ZAN: variants seen among roughly 807,000 people sequenced by gnomAD.
ZAN encodes the protein zonadhesin (gene/pseudogene).
A neutral mutation model predicts 286.2 loss-of-function variants in ZAN; 260 were observed. That is an observed-to-expected ratio of 0.91 (90% CI 0.82 to 1.01). ZAN has a LOEUF of 1.01. Ranked by LOEUF, ZAN falls within the 50% of genes least tolerant of loss-of-function variation. ZAN has a pLI of 0.00. For missense variants in ZAN, 3,410 were observed against 3,639.2 expected, an observed-to-expected ratio of 0.94 and a Z score of 1.62; for synonymous variants, 1,368 against 1,417.5, an observed-to-expected ratio of 0.97 and a Z score of 0.79.
chr7:100,783,819 T>TATACATAC (rs1811381502), intron 35 of ZAN, among the ~76,000 whole-genome samples: 1 of 28,616 alleles, frequency 3.5e-5, no homozygotes, highest in African/African-American at 7.5e-5. Flanking sequence ...TATATATACA[T>TATACATAC]ATATATATAT....
intron 11 of ZAN, among the ~76,000 whole-genome samples, chr7:100,749,594 C>G (rs569573838): frequency 6.9e-6 from 1 of 145,950 alleles, no homozygotes; most frequent in African/African-American, 2.6e-5. Flanking sequence ...GAGCCGAGAT[C>G]ACGCCATTGT....
In ZAN at chr7:100,753,142, G is replaced by A. The variant is rs751729528; in HGVS notation, c.3037G>A (p.Ala1013Thr). 84 of 1,613,838 alleles carry A rather than the reference G, an allele frequency of 5.2e-5. No individual in the cohort carries two copies. Among genetic ancestry groups the A allele is most frequent in the Non-Finnish European group, 3.8e-5 (45 of 1,179,862 alleles). ...PHPSPTATGLAALVMSPHAPS... is the reference protein window; with the variant it reads ...PHPSPTATGLTALVMSPHAPS... ...TCCCAGCCCCACAGCCACTGGGCTG[G>A]CAGCCTTGGTGATGTCTCCACATGC... Residue 1013 changes from alanine (A) to threonine (T), a missense_variant, in exon 14 of 48, where the codon GCA (alanine) becomes ACA (threonine). Ala to Thr is a moderately conservative substitution (Grantham distance 58). Around this residue, in one of 7 missense-constraint regions of ZAN, gnomAD observed 1,042 missense variants for 1,058.0 expected, o/e 0.98. Coordinates refer to ENST00000613979, the MANE Select transcript of ZAN (RefSeq NM_003386.3).
chr7:100,792,189 C>T (rs1463812879), intron 41 of ZAN, 41 bp downstream of exon 41: 1 of 1,551,356 alleles, frequency 6.4e-7, no homozygotes, highest in South Asian at 1.2e-5. Flanking sequence ...GGCCCAGGTG[C>T]CTGCTCTGGT....
At chr7:100,762,417 C>CTTT in intron 20 of ZAN, 59 bp downstream of exon 20, 2 of 1,063,512 alleles carry the variant, frequency 1.9e-6, no homozygotes, top group Non-Finnish European at 2.5e-6. Flanking sequence ...TCCTGGAACT[C>CTTT]TCTTTTTTTT....
chr7:100,735,901 G>A lies in ZAN; in HGVS notation c.106+129G>A, dbSNP rs1185781987. 6.7e-6 allele frequency: 5 copies of A among 749,112 alleles called. 1 individual carries two copies. The African/African-American group carries it at 9.3e-5, about 14-fold the overall frequency. The allele number at this position is 749,112 out of a possible 1,614,324, so 46.4% of individuals were successfully genotyped here. On this transcript the variant is annotated intron_variant, in intron 3 of 47. Coordinates refer to ENST00000613979, the MANE Select transcript of ZAN (RefSeq NM_003386.3). ...CCAGTCCCCTCCGGGCATCAGCCAG[G>A]ACTACAAAATGTGTCCTGCCAGGCC...
In ZAN at chr7:100,747,009, G is replaced by A. The variant is rs962769636; in HGVS notation, c.931+307G>A. 4.6e-5 allele frequency among the ~76,000 whole-genome samples: 7 copies of A among 152,126 alleles called. 1 individual carries two copies. In the South Asian group the frequency reaches 8.3e-4, roughly 18 times the overall value. On this transcript the variant is annotated intron_variant, in intron 8 of 47. Transcript: ENST00000613979. ...TGAGGCAGGAGAATCGCTTGAACCC[G>A]GGAGGCGGAGGTTGCAGTGAGCCGA...
At chr7:100,772,490 G>A (rs1208537408) in intron 29 of ZAN, among the ~76,000 whole-genome samples, 1 of 151,864 alleles carries the variant, frequency 6.6e-6, no homozygotes. Flanking sequence ...ATGGCAGCAC[G>A]ACAATGTGAC....
At chr7:100,750,923 C>T in intron 12 of ZAN, 27 bp downstream of exon 12, 2 of 1,524,062 alleles carry the variant, frequency 1.3e-6, no homozygotes, top group Non-Finnish European at 1.8e-6. Flanking sequence ...GGGGTCCTGT[C>T]TGTGTGAGGT....
At position 100,775,424 on chromosome 7, in the gene ZAN, A is replaced by C; in HGVS notation, c.5876A>C (p.Lys1959Thr). 6.2e-7 allele frequency: 1 copy of C among 1,613,930 alleles called. No individual in the cohort carries two copies. Among genetic ancestry groups the C allele is most frequent in the Non-Finnish European group, 8.5e-7 (1 of 1,179,882 alleles). ...IPDACTLVLV[K>T]VCHPAMALPF... ...GACGCCTGCACTCTTGTCCTGGTGA[A>C]AGTGTGCCACCCCGCCATGGCCTTG... Residue 1959 changes from lysine (K) to threonine (T), a missense_variant, in exon 32 of 48, where the codon AAA (lysine) becomes ACA (threonine). Coordinates refer to ENST00000613979, the MANE Select transcript of ZAN (RefSeq NM_003386.3).
chr7:100,792,633 C>A (rs1253491717), intron 42 of ZAN, 154 bp downstream of exon 42: 5 of 1,443,556 alleles, frequency 3.5e-6, no homozygotes, highest in Non-Finnish European at 4.6e-6. Flanking sequence ...TCATCTCGGG[C>A]TTTCTGTCTT....
intron 11 of ZAN, among the ~76,000 whole-genome samples, chr7:100,749,723 C>CATAT (rs1421124879): frequency 8.7e-5 from 12 of 137,246 alleles, no homozygotes; most frequent in South Asian, 2.3e-4. Flanking sequence ...CACACACACA[C>CATAT]ATATATATAT....
chr7:100,775,360 C>T lies in ZAN; in HGVS notation c.5812C>T (p.His1938Tyr). 1 of 1,613,492 alleles carries T rather than the reference C, an allele frequency of 6.2e-7. No individual in the cohort carries two copies. The highest frequency in any genetic ancestry group is 8.5e-7 in the Non-Finnish European group (1 of 1,179,774). The change falls in exon 32 of 48, where the codon CAC (histidine) becomes TAC (tyrosine). Residue 1938 changes from histidine to tyrosine, a missense_variant. Around this residue, in one of 7 missense-constraint regions of ZAN, gnomAD observed 1,289 missense variants for 1,314.3 expected, o/e 0.98. Transcript: ENST00000613979. ...AGTGTGTCAGCTCCCAGGGGAGTCC[C>T]ACTACGTGAGCTTTGATGGTAGTAA... ...VGVCQLPGES[H>Y]YVSFDGSNHS... is the part of the protein sequence containing the mutation.
At chr7:100,773,612 C>T (rs1276774606) in intron 30 of ZAN, 109 bp from the exon 31 acceptor site, 18 of 1,540,496 alleles carry the variant, frequency 1.2e-5, no homozygotes, top group Non-Finnish European at 1.5e-5. Flanking sequence ...CTGGCCAAGG[C>T]TGGGGGGCGA....
rs78283914 is a variant in ZAN, at chr7:100,746,163, A to G, written c.767-375A>G. Among the ~76,000 whole-genome samples the G allele has an allele frequency of 4.5e-4, 69 of 152,148 alleles. 1 individual carries two copies. The East Asian group carries it at 0.013, about 29-fold the overall frequency. On this transcript the variant is annotated intron_variant, in intron 7 of 47. Transcript: ENST00000613979. ...GGATCACCTGAGCCCGGGGAGGTTGAGTCTGCAGTGAACCATGAGAGCCAT... is the reference window on the plus strand; with the variant it reads ...GGATCACCTGAGCCCGGGGAGGTTGGGTCTGCAGTGAACCATGAGAGCCAT...
In ZAN at chr7:100,751,994, C is replaced by T. The variant is rs372657856; in HGVS notation, c.1889C>T (p.Thr630Ile). The T allele has an allele frequency of 5.6e-6, 9 of 1,612,956 alleles. No individual in the cohort carries two copies. The highest frequency in any genetic ancestry group is 7.6e-6 in the Non-Finnish European group (9 of 1,179,590). Reference sequence around the variant, plus strand: ...CCCTCAGAAAAACCCACCATCCTCACAGAAAAACCCACCATTCCCTCAGAA... The same window carrying T: ...CCCTCAGAAAAACCCACCATCCTCATAGAAAAACCCACCATTCCCTCAGAA... ...TIPSEKPTIL[T>I]EKPTIPSEKP... The change falls in exon 14 of 48, where the codon ACA becomes ATA. Residue 630 changes from threonine (T) to isoleucine (I), a missense_variant. Coordinates refer to ENST00000613979, the MANE Select transcript of ZAN (RefSeq NM_003386.3).
At position 100,775,489 on chromosome 7, in the gene ZAN, G is replaced by T; in HGVS notation, c.5941G>T (p.Gly1981Cys). The T allele has an allele frequency of 6.2e-7, 1 of 1,613,982 alleles. No homozygotes were observed. The highest frequency in any genetic ancestry group is 1.1e-5 in the South Asian group (1 of 91,086). The change falls in exon 32 of 48, where the codon GGT becomes TGT. Residue 1981 changes from glycine to cysteine, a missense_variant. Physicochemically the swap from Gly to Cys is radical, Grantham distance 159 (BLOSUM62 -3). Transcript: ENST00000613979. ...KISAKHEKEEGGTEAFRLHEV... is the reference protein window; with the variant it reads ...KISAKHEKEECGTEAFRLHEV... ...CAGTGCCAAGCATGAGAAGGAGGAA[G>T]GTGGAACTGAGGCTTTCCGCCTTCA... is the stretch of plus-strand genomic sequence containing the variant.
chr7:100,794,104 C>T lies in ZAN; in HGVS notation c.7987-16C>T. On this transcript the variant is annotated splice_polypyrimidine_tract_variant and intron_variant, in intron 43 of 47. Coordinates refer to ENST00000613979, the MANE Select transcript of ZAN (RefSeq NM_003386.3). Reference sequence around the variant, plus strand: ...ATGGAACTGGAACGTCTCCTCCTGGCCCTTCCCCTTTCTAGCTGGGCAGCA... The same window carrying T: ...ATGGAACTGGAACGTCTCCTCCTGGTCCTTCCCCTTTCTAGCTGGGCAGCA... 1.9e-6 allele frequency: 3 copies of T among 1,613,922 alleles called. No homozygotes were observed. The South Asian group carries it at 3.3e-5, about 18-fold the overall frequency.
rs1343319998 is a variant in ZAN, at chr7:100,737,317, C to T, written c.581C>T (p.Ala194Val). 3.4e-6 allele frequency: 5 copies of T among 1,482,868 alleles called. 1 individual carries two copies. In the African/African-American group the frequency reaches 4.3e-5, roughly 13 times the overall value. The allele number at this position is 1,482,868 out of a possible 1,614,324, so 91.9% of individuals were successfully genotyped here. A position where few individuals can be genotyped will look rare whatever the true frequency, so the allele number is the denominator to read the frequency against. Residue 194 changes from alanine to valine, a missense_variant, in exon 6 of 48, where the codon GCC (alanine) becomes GTC (valine). Around this residue, in one of 7 missense-constraint regions of ZAN, gnomAD observed 872 missense variants for 938.9 expected, o/e 0.93. Coordinates refer to ENST00000613979, the MANE Select transcript of ZAN (RefSeq NM_003386.3). ...GCCTACCTGGACATCGCCCTGGATG[C>T]CCTCTCTATCCGCCGGGGCTCCTGT... ...STAYLDIALDALSIRRGSCNR... is the reference protein window; with the variant it reads ...STAYLDIALDVLSIRRGSCNR...
At chr7:100,779,233 G>A (rs117713251) in intron 34 of ZAN, among the ~76,000 whole-genome samples, 3,405 of 151,862 alleles carry the variant, frequency 0.022, 61 homozygotes, top group Middle Eastern at 0.041. Context: ...GTCGGGCGTG[G>A]TGGTGGGTGC....
Sources: gnomAD v4.1 joint callset for allele counts (sites outside exome capture counted in the v4.1 genomes callset) on GRCh38, gnomAD v4.1.1 for gene constraint, gnomAD v4.1.1 regional missense constraint, MANE v1.5 for transcripts, NCBI Gene and HGNC (gene_info 2026-07-23, HGNC 2026-07-21) for gene names.